Variants in DCDC2C observed in about 807,000 individuals in gnomAD.
The protein encoded by DCDC2C is doublecortin domain-containing protein 2C.
In DCDC2C, 44 loss-of-function variants were observed where a neutral mutation model predicts 45.0. That is an observed-to-expected ratio of 0.98 (90% CI 0.77 to 1.26). DCDC2C has a LOEUF of 1.26. Among genes scored for constraint, DCDC2C ranks in the 50% most tolerant of loss-of-function variants. The probability of loss-of-function intolerance (pLI) is 0.00; values close to 1 mark genes in which losing one functional copy is unlikely to be tolerated. For synonymous variants in DCDC2C, 187 were observed against 178.8 expected, an observed-to-expected ratio of 1.05 and a Z score of -0.37; for missense variants, 447 against 468.9, an observed-to-expected ratio of 0.95 and a Z score of 0.43.
At chr2:3,731,479 T>A (rs1668864865) in intron 3 of DCDC2C, among the ~76,000 whole-genome samples, 2 of 152,232 alleles carry the variant, frequency 1.3e-5, no homozygotes, top group Admixed American at 1.3e-4. Context: ...TCATTGCCTG[T>A]ACTGGTTGTG....
chr2:3,791,697 C>A (rs1001226037), intron 10 of DCDC2C, among the ~76,000 whole-genome samples: 2 of 152,204 alleles, frequency 1.3e-5, no homozygotes, highest in African/African-American at 4.8e-5. Context: ...GACCCTCACA[C>A]CTCTCCAGCA....
chr2:3,725,297 G>A (rs1668610377), intron 2 of DCDC2C, among the ~76,000 whole-genome samples: 1 of 152,170 alleles, frequency 6.6e-6, no homozygotes, highest in Non-Finnish European at 1.5e-5. Flanking sequence ...GAGAGGCTGT[G>A]GGGGCTCGAG....
intron 3 of DCDC2C, among the ~76,000 whole-genome samples, chr2:3,730,702 A>G (rs969292641): frequency 1.3e-5 from 2 of 152,190 alleles, no homozygotes; most frequent in African/African-American, 4.8e-5. Context: ...GGCTTCAATT[A>G]TGCCTAATCA....
intron 10 of DCDC2C, among the ~76,000 whole-genome samples, chr2:3,836,690 G>T (rs546374304): frequency 6.6e-6 from 1 of 152,232 alleles, no homozygotes; most frequent in East Asian, 1.9e-4. Flanking sequence ...GTGAAACCCT[G>T]TCTTGACTAA....
intron 10 of DCDC2C, among the ~76,000 whole-genome samples, chr2:3,836,818 C>A (rs1216873480): frequency 6.7e-6 from 1 of 148,266 alleles, no homozygotes; most frequent in Non-Finnish European, 1.5e-5. Flanking sequence ...GCCGAGATCG[C>A]GCCACTGCAC....
chr2:3,721,371 A>G (rs1668500180), intron 2 of DCDC2C, among the ~76,000 whole-genome samples: 1 of 152,152 alleles, frequency 6.6e-6, no homozygotes. Context: ...TGCTGAATAT[A>G]TGAGAGTTGA....
chr2:3,846,675 G>T (rs1178582542), intron 10 of DCDC2C, among the ~76,000 whole-genome samples: 1 of 152,136 alleles, frequency 6.6e-6, no homozygotes. Context: ...GTTTTAGAGT[G>T]GTCTTGGTAC....
At chr2:3,744,867 C>T (rs903597294) in intron 4 of DCDC2C, among the ~76,000 whole-genome samples, 1 of 152,128 alleles carries the variant, frequency 6.6e-6, no homozygotes, top group African/African-American at 2.4e-5. Flanking sequence ...CCTCCATGCT[C>T]CCAGAATGCA....
chr2:3,734,872 G>A lies in DCDC2C; in HGVS notation c.417-7048G>A, dbSNP rs1010872009. 6.6e-6 allele frequency among the ~76,000 whole-genome samples: 1 copy of A among 152,148 alleles called. No individual in the cohort carries two copies. The highest frequency in any genetic ancestry group is 1.5e-5 in the Non-Finnish European group (1 of 68,030). ...GGGGTGAAAGTACAGAGCCCTTCAG[G>A]TTCATGAAAGTGTCTTTAGATAGGG... On this transcript the variant is annotated intron_variant, in intron 3 of 10. Coordinates refer to ENST00000399143, the MANE Select transcript of DCDC2C (RefSeq NM_001287444.2). This position sits in a 1 kb window ranked among gnomAD's most constrained non-coding sequence, Gnocchi z 4.2.
At chr2:3,785,680 C>G (rs1014652413) in intron 10 of DCDC2C, among the ~76,000 whole-genome samples, 4 of 152,162 alleles carry the variant, frequency 2.6e-5, no homozygotes, top group Admixed American at 1.3e-4. Flanking sequence ...CTCAGCAGGA[C>G]TGAGTTCTCA....
At chr2:3,737,738 T>C (rs968811625) in intron 3 of DCDC2C, among the ~76,000 whole-genome samples, 8 of 152,292 alleles carry the variant, frequency 5.3e-5, no homozygotes, top group Non-Finnish European at 8.8e-5. Context: ...CTCTCTAAAG[T>C]GTTCATGGCT....
intron 8 of DCDC2C, among the ~76,000 whole-genome samples, chr2:3,776,488 C>T (rs996732119): frequency 3.3e-5 from 5 of 152,220 alleles, no homozygotes; most frequent in African/African-American, 1.2e-4. Context: ...ATGGCGCTCC[C>T]GGCCACTCGC....
At chr2:3,733,133 G>GTGGGGACATAT (rs1293575369) in intron 3 of DCDC2C, among the ~76,000 whole-genome samples, 1 of 152,178 alleles carries the variant, frequency 6.6e-6, no homozygotes, top group Admixed American at 6.5e-5. Flanking sequence ...GCAGATCAGT[G>GTGGGGACATAT]TGGGGACATA....
At chr2:3,812,675 G>A (rs1002879872) in intron 10 of DCDC2C, among the ~76,000 whole-genome samples, 31 of 152,046 alleles carry the variant, frequency 2.0e-4, no homozygotes, top group Non-Finnish European at 4.1e-4. Context: ...GTGATGTTAG[G>A]GTATCGATGA....
chr2:3,739,913 G>A (rs2148104409), intron 3 of DCDC2C, among the ~76,000 whole-genome samples: 1 of 152,330 alleles, frequency 6.6e-6, no homozygotes, highest in East Asian at 1.9e-4. Context: ...ACTGCCATGG[G>A]GTCGGAGCCC....
At chr2:3,806,590 T>G (rs1394333275) in intron 10 of DCDC2C, among the ~76,000 whole-genome samples, 3 of 150,680 alleles carry the variant, frequency 2.0e-5, no homozygotes, top group Non-Finnish European at 4.4e-5. Context: ...TCATCCAGGC[T>G]GGAGTGCAAT....
At chr2:3,799,935 T>G (rs539486270) in intron 10 of DCDC2C, among the ~76,000 whole-genome samples, 24 of 152,094 alleles carry the variant, frequency 1.6e-4, no homozygotes, top group East Asian at 1.4e-3. Flanking sequence ...ACCTAAGCAA[T>G]CCTGGGCAAT....
Position 3,847,284 on chromosome 2 carries a change from T to C in DCDC2C, c.*101T>C. 1.2e-6 allele frequency: 1 copy of C among 830,608 alleles called. No homozygotes were observed. The highest frequency in any genetic ancestry group is 6.2e-5 in the South Asian group (1 of 16,158). 51.5% of individuals were successfully genotyped at this position (830,608 alleles called of 1,614,324 possible). ...AACAGCAAGAAAATCACATGTGGGGTGAAACTAAAGCCCCACACAGTGGTG... is the reference window on the plus strand; with the variant it reads ...AACAGCAAGAAAATCACATGTGGGGCGAAACTAAAGCCCCACACAGTGGTG... On this transcript the variant is annotated 3_prime_UTR_variant, in exon 11 of 11. Coordinates refer to ENST00000399143, the MANE Select transcript of DCDC2C (RefSeq NM_001287444.2).
At chr2:3,735,970 TGTG>T (rs373100900) in intron 3 of DCDC2C, among the ~76,000 whole-genome samples, 141 of 152,264 alleles carry the variant, frequency 9.3e-4, no homozygotes, top group African/African-American at 3.3e-3. Context: ...TTGCAAATCT[TGTG>T]GAGGGGCATG....
Sources: gnomAD v4.1 joint callset for allele counts (sites outside exome capture counted in the v4.1 genomes callset) on GRCh38, gnomAD v4.1.1 for gene constraint, Gnocchi (gnomAD v3.1) non-coding constraint, MANE v1.5 for transcripts, NCBI Gene and HGNC (gene_info 2026-07-23, HGNC 2026-07-21) for gene names.